IL1RAPL1: variants seen among roughly 807,000 people sequenced by gnomAD.
The protein encoded by IL1RAPL1 is interleukin 1 receptor accessory protein like 1.
Under a neutral mutation model 48.4 loss-of-function variants are expected in IL1RAPL1, and 3 were observed. The observed-to-expected ratio is 0.06, with a 90% CI of 0.03 to 0.16. The LOEUF (loss-of-function observed/expected upper bound fraction) is 0.16. Among genes scored for constraint, IL1RAPL1 ranks in the 10% least tolerant of loss-of-function variants. IL1RAPL1 has a pLI of 1.00. For synonymous variants in IL1RAPL1, 185 were observed against 187.7 expected, an observed-to-expected ratio of 0.99 and a Z score of 0.12; for missense variants, 349 against 530.6, an observed-to-expected ratio of 0.66 and a Z score of 3.36.
intron 1 of IL1RAPL1, among the ~76,000 whole-genome samples, chrX:28,680,866 G>A (rs777855992): frequency 3.3e-4 from 37 of 111,603 alleles, no homozygotes; most frequent in African/African-American, 1.0e-3. Context: ...CTGATATTTT[G>A]TGGAGGATTT....
intron 2 of IL1RAPL1, among the ~76,000 whole-genome samples, chrX:28,873,594 C>T (rs866677713): frequency 3.2e-4 from 29 of 91,124 alleles, no homozygotes; most frequent in African/African-American, 1.2e-3. Flanking sequence ...TGCAGTGGCT[C>T]AATCTCGGCT....
chrX:29,208,735 TA>T (rs34457915), intron 2 of IL1RAPL1, among the ~76,000 whole-genome samples: 6,074 of 81,519 alleles, frequency 0.075, 590 homozygotes, highest in African/African-American at 0.28. Context: ...ATAATAATAA[TA>T]AATAAATAAA....
chrX:29,757,249 A>G (rs181148895), intron 6 of IL1RAPL1, among the ~76,000 whole-genome samples: 1 of 112,372 alleles, frequency 8.9e-6, no homozygotes. Context: ...TGCATAGCTC[A>G]TAAAATTATA....
intron 5 of IL1RAPL1, among the ~76,000 whole-genome samples, chrX:29,459,731 A>G (rs937060359): frequency 2.0e-4 from 22 of 112,187 alleles, no homozygotes; most frequent in African/African-American, 7.1e-4. Flanking sequence ...GATAATTAAC[A>G]TAAGCATTAC....
chrX:29,128,413 T>A (rs1771220699), intron 2 of IL1RAPL1, among the ~76,000 whole-genome samples: 1 of 111,602 alleles, frequency 9.0e-6, no homozygotes, highest in Admixed American at 9.5e-5. Context: ...CCATATTCTC[T>A]CTTGCTTTAG....
intron 2 of IL1RAPL1, among the ~76,000 whole-genome samples, chrX:28,986,836 G>A (rs1024461082): frequency 3.6e-5 from 4 of 112,040 alleles, no homozygotes; most frequent in Admixed American, 9.5e-5. Flanking sequence ...GTATTATGAT[G>A]TTGGGAAGTA....
At chrX:29,652,907 T>A (rs377424441) in intron 5 of IL1RAPL1, among the ~76,000 whole-genome samples, 2 of 112,401 alleles carry the variant, frequency 1.8e-5, no homozygotes, top group East Asian at 5.6e-4. Flanking sequence ...AGTGCTTTTC[T>A]ATTCTTCTAC....
chrX:29,122,087 T>C (rs1430354474), intron 2 of IL1RAPL1, among the ~76,000 whole-genome samples: 1 of 111,147 alleles, frequency 9.0e-6, no homozygotes, highest in African/African-American at 3.3e-5. Flanking sequence ...AGCAAGAGTA[T>C]TCATCCAGCA....
At chrX:28,856,114 A>G (rs1181726905) in intron 2 of IL1RAPL1, among the ~76,000 whole-genome samples, 2 of 111,929 alleles carry the variant, frequency 1.8e-5, no homozygotes, top group Non-Finnish European at 3.8e-5. Flanking sequence ...AAGTGAAATT[A>G]TGTAATACCT....
chrX:29,186,427 A>C (rs182548844), intron 2 of IL1RAPL1, among the ~76,000 whole-genome samples: 1 of 111,749 alleles, frequency 8.9e-6, no homozygotes, highest in Non-Finnish European at 1.9e-5. Flanking sequence ...GGAACTCTGC[A>C]ATAGTAAAAA....
intron 1 of IL1RAPL1, among the ~76,000 whole-genome samples, chrX:28,752,933 A>G (rs764492997): frequency 8.9e-6 from 1 of 112,552 alleles, no homozygotes; most frequent in Non-Finnish European, 1.9e-5. Context: ...AGGTTTACTT[A>G]TGTTTAGCAT....
intron 6 of IL1RAPL1, among the ~76,000 whole-genome samples, chrX:29,764,025 A>G (rs1272645836): frequency 8.9e-6 from 1 of 111,793 alleles, no homozygotes; most frequent in African/African-American, 3.2e-5. Flanking sequence ...TGCAATTAAT[A>G]TCATCAAATG....
At chrX:29,607,500 G>A (rs368630406) in intron 5 of IL1RAPL1, among the ~76,000 whole-genome samples, 1 of 111,911 alleles carries the variant, frequency 8.9e-6, no homozygotes, top group Non-Finnish European at 1.9e-5. Context: ...CTTCTTTGAA[G>A]AAATTAATTA....
rs183272902 is a variant in IL1RAPL1, at chrX:28,955,382, A to T, written c.82+165957A>T. Among the ~76,000 whole-genome samples the T allele has an allele frequency of 4.6e-3, 508 of 111,334 alleles. 4 individuals are homozygous for T. Among genetic ancestry groups the T allele is most frequent in the African/African-American group, 0.016 (480 of 30,691 alleles). ...TTGGCTCTTTAAAAGCACTTCACAC[A>T]TACTAGAGTCTTTACCTAATAAACT... On this transcript the variant is annotated intron_variant, in intron 2 of 10. Coordinates refer to ENST00000378993, the MANE Select transcript of IL1RAPL1 (RefSeq NM_014271.4).
At chrX:29,172,791 A>G (rs1929935194) in intron 2 of IL1RAPL1, among the ~76,000 whole-genome samples, 1 of 111,931 alleles carries the variant, frequency 8.9e-6, no homozygotes, top group African/African-American at 3.2e-5. Context: ...GGGAATCATA[A>G]TAAGAATCAT....
chrX:28,814,561 AATATTC>A (rs1936837986), intron 2 of IL1RAPL1, among the ~76,000 whole-genome samples: 1 of 110,137 alleles, frequency 9.1e-6, no homozygotes, highest in South Asian at 3.8e-4. Context: ...AACATATAGG[AATATTC>A]ATGTTTAAGG....
At chrX:28,818,357 A>C (rs2147279863) in intron 2 of IL1RAPL1, among the ~76,000 whole-genome samples, 1 of 110,727 alleles carries the variant, frequency 9.0e-6, no homozygotes, top group African/African-American at 3.3e-5. Flanking sequence ...TGAATTTGTA[A>C]TTTGTTTGCA....
At chrX:29,448,877 C>A (rs1451974037) in intron 5 of IL1RAPL1, among the ~76,000 whole-genome samples, 1 of 111,323 alleles carries the variant, frequency 9.0e-6, no homozygotes, top group Non-Finnish European at 1.9e-5. Context: ...TGTAGATAGA[C>A]TCCTTCTCTC....
At chrX:29,299,172 G>C (rs1481307577) in intron 3 of IL1RAPL1, among the ~76,000 whole-genome samples, 1 of 110,976 alleles carries the variant, frequency 9.0e-6, no homozygotes. Context: ...CTTCAGTTTT[G>C]GGACTCGGGC....
Sources: allele counts gnomAD v4.1 joint callset (sites outside exome capture counted in the v4.1 genomes callset), GRCh38; gene constraint gnomAD v4.1.1; transcripts MANE v1.5; gene names NCBI Gene and HGNC (gene_info 2026-07-23, HGNC 2026-07-21).